The following ATP9A variants were observed in gnomAD, a reference collection of about 807,000 sequenced individuals.
ATP9A encodes the protein ATPase phospholipid transporting 9A.
ATP9A carries 52 observed loss-of-function variants against 144.1 expected under a neutral mutation model. The ratio of observed to expected loss-of-function variants is 0.36; its 90% CI spans 0.29 to 0.45. The LOEUF (loss-of-function observed/expected upper bound fraction) is 0.45. Among genes scored for constraint, ATP9A ranks in the 20% least tolerant of loss-of-function variants. The probability of loss-of-function intolerance (pLI) is 1.00; values close to 1 mark genes in which losing one functional copy is unlikely to be tolerated. For missense variants in ATP9A, 947 were observed against 1,392.7 expected (o/e 0.68, Z 5.09); for synonymous variants, 582 against 557.4 (o/e 1.04, Z -0.62).
At chr20:51,650,928 C>T (rs1297345060) in intron 14 of ATP9A, among the ~76,000 whole-genome samples, 1 of 146,282 alleles carries the variant, frequency 6.8e-6, no homozygotes, top group African/African-American at 2.5e-5. Context: ...CACACGTATA[C>T]CTGAACACAA....
intron 1 of ATP9A, among the ~76,000 whole-genome samples, chr20:51,762,140 A>G (rs1195512374): frequency 1.3e-5 from 2 of 152,086 alleles, no homozygotes; most frequent in African/African-American, 4.8e-5. Flanking sequence ...CAAGGTGGGC[A>G]GATAACTTGA....
intron 1 of ATP9A, among the ~76,000 whole-genome samples, chr20:51,746,845 C>G (rs1406078403): frequency 6.7e-6 from 1 of 148,822 alleles, no homozygotes; most frequent in African/African-American, 2.5e-5. Context: ...TCTCAAAAAA[C>G]AAAAACAAAA....
At chr20:51,704,364 T>G (rs1425642744) in intron 4 of ATP9A, among the ~76,000 whole-genome samples, 2 of 148,952 alleles carry the variant, frequency 1.3e-5, no homozygotes, top group African/African-American at 5.0e-5. Flanking sequence ...TTTGCAAGTT[T>G]GAGTTTCTGG....
chr20:51,627,741 G>GT, intron 16 of ATP9A, 58 bp from the exon 17 acceptor site: 2 of 1,423,444 alleles, frequency 1.4e-6, no homozygotes, highest in Non-Finnish European at 2.0e-6. Context: ...ACCTCACTGG[G>GT]GAAGGACCAG....
chr20:51,698,250 A>C (rs1048198412), intron 4 of ATP9A, among the ~76,000 whole-genome samples: 2 of 152,242 alleles, frequency 1.3e-5, no homozygotes, highest in African/African-American at 4.8e-5. Flanking sequence ...TGGGCCAGGC[A>C]CAGTGGCTCA....
Position 51,627,640 on chromosome 20 carries a change from G to A in ATP9A, c.1805C>T (p.Ala602Val). The change falls in exon 17 of 28, where the codon GCA becomes GTA. Residue 602 changes from alanine (A) to valine (V), a missense_variant. Coordinates refer to ENST00000338821, the MANE Select transcript of ATP9A (RefSeq NM_006045.3). The stretch of plus-strand genomic sequence containing the variant: ...CTGCTCCTCTGCAAGAGACTTCTTT[G>A]CCACCACGAGCACCCGCAGCCCTTC... The part of the protein sequence containing the change: ...AREGLRVLVV[A>V]KKSLAEEQYQ... 1.9e-6 allele frequency: 3 copies of A among 1,614,184 alleles called. No individual in the cohort carries two copies. The highest frequency in any genetic ancestry group is 2.5e-6 in the Non-Finnish European group (3 of 1,180,026).
At chr20:51,711,683 A>C (rs534456057) in intron 4 of ATP9A, among the ~76,000 whole-genome samples, 2 of 152,250 alleles carry the variant, frequency 1.3e-5, no homozygotes, top group East Asian at 3.9e-4. Flanking sequence ...AATCTATTGT[A>C]GTCAGACACA....
chr20:51,690,887 CTA>C (rs1396444196), intron 7 of ATP9A, 68 bp from the exon 8 acceptor site: 1 of 1,268,600 alleles, frequency 7.9e-7, no homozygotes. Context: ...GAGGCATCCA[CTA>C]TGTTTCCAAA....
intron 1 of ATP9A, among the ~76,000 whole-genome samples, chr20:51,757,314 G>A (rs543701050): frequency 5.1e-4 from 77 of 152,224 alleles, no homozygotes; most frequent in African/African-American, 1.7e-3. Flanking sequence ...CACCAAGCCC[G>A]GCCCCAAGCC....
rs77230924 is a variant in ATP9A, at chr20:51,610,608, G to A, written c.2572-443C>T. ...CTATCACCCACACTTTACAGAAGGGGAGGCTGAGCAGGTAAACAGCCCTAT... is the reference window on the plus strand; with the variant it reads ...CTATCACCCACACTTTACAGAAGGGAAGGCTGAGCAGGTAAACAGCCCTAT... On this transcript the variant is annotated intron_variant, in intron 23 of 27. Coordinates refer to ENST00000338821, the MANE Select transcript of ATP9A (RefSeq NM_006045.3). Among the ~76,000 whole-genome samples the A allele has an allele frequency of 7.9e-3, 1,204 of 152,220 alleles. 17 individuals are homozygous for A. The highest frequency in any genetic ancestry group is 0.028 in the African/African-American group (1,145 of 41,534).
chr20:51,717,654 A>G (rs956776237), intron 3 of ATP9A, among the ~76,000 whole-genome samples: 1 of 152,106 alleles, frequency 6.6e-6, no homozygotes, highest in Non-Finnish European at 1.5e-5. Context: ...AGTGGAAATA[A>G]ATTTTTAAAA....
chr20:51,650,434 C>T lies in ATP9A; in HGVS notation c.1506+6504G>A, dbSNP rs940288802. 8.0e-5 allele frequency among the ~76,000 whole-genome samples: 12 copies of T among 150,746 alleles called. No individual in the cohort carries two copies. In the South Asian group the frequency reaches 1.9e-3, roughly 24 times the overall value. Reference sequence around the variant, plus strand: ...CTGTAGTCCCAGCTGCTCGGGAGGCCGAGGCAGGAGAATCACTTGAACCCA... The same window carrying T: ...CTGTAGTCCCAGCTGCTCGGGAGGCTGAGGCAGGAGAATCACTTGAACCCA... On this transcript the variant is annotated intron_variant, in intron 14 of 27. Transcript: ENST00000338821.
chr20:51,616,656 T>G (rs1172283970), intron 22 of ATP9A, among the ~76,000 whole-genome samples: 2 of 152,280 alleles, frequency 1.3e-5, no homozygotes, highest in East Asian at 1.9e-4. Flanking sequence ...TGACCCATCT[T>G]CTTGCCTCTT....
At chr20:51,683,890 T>C (rs574175603) in intron 9 of ATP9A, among the ~76,000 whole-genome samples, 1 of 152,040 alleles carries the variant, frequency 6.6e-6, no homozygotes, top group South Asian at 2.1e-4. Flanking sequence ...ATATAAACAC[T>C]CCAAAAAAAG....
intron 1 of ATP9A, among the ~76,000 whole-genome samples, chr20:51,766,710 G>C (rs1461078183): frequency 2.0e-5 from 3 of 152,088 alleles, no homozygotes; most frequent in Admixed American, 2.0e-4. Flanking sequence ...GCGTGGTGTC[G>C]GGCGCCTGTA....
chr20:51,618,618 C>A, intron 21 of ATP9A, 44 bp downstream of exon 21: 1 of 1,569,912 alleles, frequency 6.4e-7, no homozygotes, highest in Non-Finnish European at 8.6e-7. Flanking sequence ...GAGCCTGGTG[C>A]ACCGGCAGGC....
Position 51,688,226 on chromosome 20 carries a change from G to A in ATP9A, c.799+838C>T, listed in dbSNP as rs761203280. The stretch of plus-strand genomic sequence containing the variant: ...GGGCCTGACACATGGGCTGCATGCC[G>A]CTGATGTTAACCACTGCTATCGGGG... On this transcript the variant is annotated intron_variant, in intron 9 of 27. Transcript: ENST00000338821. Among the ~76,000 whole-genome samples the A allele has an allele frequency of 8.5e-4, 130 of 152,322 alleles. 1 individual carries two copies. In the Middle Eastern group the frequency reaches 0.01, roughly 12 times the overall value.
chr20:51,743,558 C>T lies in ATP9A; in HGVS notation c.69-13580G>A, dbSNP rs974630682. On this transcript the variant is annotated intron_variant, in intron 1 of 27. Coordinates refer to ENST00000338821, the MANE Select transcript of ATP9A (RefSeq NM_006045.3). ...GGGATTACAGGCGTGCACCACCACG[C>T]CAGGCTAATTTTTGTATTTTTAGTA... Among the ~76,000 whole-genome samples the T allele has an allele frequency of 4.8e-4, 72 of 150,698 alleles. 1 individual carries two copies. Among genetic ancestry groups the T allele is most frequent in the East Asian group, 1.6e-3 (8 of 5,024 alleles).
intron 15 of ATP9A, among the ~76,000 whole-genome samples, chr20:51,635,293 CCAA>C (rs11470915): frequency 0.3 from 45,080 of 151,948 alleles, 6,980 homozygotes; most frequent in Non-Finnish European, 0.34. Context: ...CCAAACTCTG[CCAA>C]CAACACTGAC....
Sources: gnomAD v4.1 joint callset for allele counts (sites outside exome capture counted in the v4.1 genomes callset) on GRCh38, gnomAD v4.1.1 for gene constraint, MANE v1.5 for transcripts, NCBI Gene and HGNC (gene_info 2026-07-23, HGNC 2026-07-21) for gene names.